The following VGLL4 variants were observed in gnomAD, a reference collection of about 807,000 sequenced individuals.
VGLL4 encodes transcription cofactor vestigial-like protein 4.
In VGLL4, 7 loss-of-function variants were observed where a neutral mutation model predicts 21.0. The observed-to-expected ratio is 0.33, with a 90% CI of 0.19 to 0.63. The LOEUF (loss-of-function observed/expected upper bound fraction) is 0.63. Among genes scored for constraint, VGLL4 ranks in the 20% least tolerant of loss-of-function variants. The pLI is 0.78. For missense variants in VGLL4, 394 were observed against 425.7 expected, an observed-to-expected ratio of 0.93 and a Z score of 0.66; for synonymous variants, 222 against 173.2, an observed-to-expected ratio of 1.28 and a Z score of -2.21.
At chr3:11,628,136 C>T (rs1345370202) in intron 1 of VGLL4, among the ~76,000 whole-genome samples, 1 of 152,110 alleles carries the variant, frequency 6.6e-6, no homozygotes, top group African/African-American at 2.4e-5. Flanking sequence ...TGCCTATAAT[C>T]CCAGCACTTT....
intron 2 of VGLL4, among the ~76,000 whole-genome samples, chr3:11,679,489 C>T (rs2125378556): frequency 6.6e-6 from 1 of 152,176 alleles, no homozygotes; most frequent in Admixed American, 6.5e-5. Flanking sequence ...TCGAGACGAG[C>T]CTGGCCAGCA....
intron 2 of VGLL4, among the ~76,000 whole-genome samples, chr3:11,677,267 A>C (rs1434141505): frequency 6.6e-6 from 1 of 152,012 alleles, no homozygotes; most frequent in African/African-American, 2.4e-5. Flanking sequence ...TTTTAAAAGA[A>C]CAGACTGCAA....
chr3:11,595,088 G>A (rs2074602893), intron 2 of VGLL4, among the ~76,000 whole-genome samples: 1 of 152,206 alleles, frequency 6.6e-6, no homozygotes, highest in South Asian at 2.1e-4. Flanking sequence ...TGGAACCCAG[G>A]AGGTGGAGGT....
chr3:11,654,073 A>G (rs1249099705), intron 2 of VGLL4, among the ~76,000 whole-genome samples: 1 of 151,642 alleles, frequency 6.6e-6, no homozygotes, highest in East Asian at 1.9e-4. Flanking sequence ...CCTACAATGC[A>G]TAGGACACCC....
chr3:11,592,351 G>A (rs765069088), intron 2 of VGLL4, among the ~76,000 whole-genome samples: 14 of 152,186 alleles, frequency 9.2e-5, no homozygotes, highest in Non-Finnish European at 1.8e-4. Flanking sequence ...GTTCCTGTGG[G>A]ATTCTCACCT....
chr3:11,604,029 C>A (rs1456364241), intron 1 of VGLL4, among the ~76,000 whole-genome samples: 1 of 152,190 alleles, frequency 6.6e-6, no homozygotes, highest in African/African-American at 2.4e-5. Flanking sequence ...GACTGAATCA[C>A]TGATGTCTAA....
intron 2 of VGLL4, among the ~76,000 whole-genome samples, chr3:11,577,375 T>C (rs1042065151): frequency 6.6e-6 from 1 of 152,090 alleles, no homozygotes; most frequent in Non-Finnish European, 1.5e-5. Flanking sequence ...GGCGGGCAGA[T>C]CACTTGAGGC....
chr3:11,598,011 TCA>T (rs1194708371), intron 2 of VGLL4, among the ~76,000 whole-genome samples: 1 of 139,508 alleles, frequency 7.2e-6, no homozygotes, highest in African/African-American at 2.7e-5. Context: ...TGGATAGAAC[TCA>T]GTCTTACTCT....
chr3:11,572,805 C>T (rs772688488), intron 2 of VGLL4, among the ~76,000 whole-genome samples: 3 of 152,176 alleles, frequency 2.0e-5, no homozygotes, highest in Non-Finnish European at 4.4e-5. Context: ...CATACGAATA[C>T]ACCACTGCAT....
At chr3:11,639,404 C>A (rs534670470) in intron 1 of VGLL4, among the ~76,000 whole-genome samples, 8 of 152,366 alleles carry the variant, frequency 5.3e-5, no homozygotes, top group Non-Finnish European at 1.2e-4. Context: ...TCTCACCTAC[C>A]CTTTCCCCAA....
At chr3:11,594,192 C>G (rs2074577583) in intron 2 of VGLL4, among the ~76,000 whole-genome samples, 1 of 152,190 alleles carries the variant, frequency 6.6e-6, no homozygotes, top group Non-Finnish European at 1.5e-5. Context: ...TGTAATTCCC[C>G]AGGTGGGATG....
chr3:11,704,401 A>AAAAG (rs2076730043), intron 1 of VGLL4, among the ~76,000 whole-genome samples: 1 of 142,704 alleles, frequency 7.0e-6, no homozygotes, highest in Non-Finnish European at 1.5e-5. Context: ...AAAAAAAAAA[A>AAAAG]AAAAGAAAAA....
At chr3:11,561,133 C>A (rs986915321) in intron 3 of VGLL4, among the ~76,000 whole-genome samples, 3 of 147,034 alleles carry the variant, frequency 2.0e-5, no homozygotes, top group African/African-American at 7.6e-5. Context: ...AGACCCCCCC[C>A]CAGGGTCCTC....
chr3:11,644,038 T>C (rs187057215), upstream of VGLL4: 8 of 975,682 alleles, frequency 8.2e-6, no homozygotes, highest in Middle Eastern at 5.3e-4. Context: ...GTAGCAAGTG[T>C]TGGAAAGAAA....
chr3:11,671,220 A>G, intron 2 of VGLL4: 1 of 1,559,650 alleles, frequency 6.4e-7, no homozygotes, highest in Non-Finnish European at 8.7e-7. Context: ...CAATTAAGAA[A>G]TGTCAATTAA....
rs1297606819 is a variant in VGLL4 at position 11,568,072 on chromosome 3, C to T, written c.273-3053G>A. Reference sequence around the variant, plus strand: ...CCCTGCCTTCTCATGGGCTTACAATCTAGCAGGGACAGAAAGGCCCGGGAG... The same window carrying T: ...CCCTGCCTTCTCATGGGCTTACAATTTAGCAGGGACAGAAAGGCCCGGGAG... On this transcript the variant is annotated intron_variant, in intron 2 of 4. Coordinates refer to ENST00000430365, the MANE Select transcript of VGLL4 (RefSeq NM_001128219.3). The surrounding 1 kb of genome is among the most constrained non-coding windows in gnomAD (Gnocchi z 5.9). 2.0e-5 allele frequency among the ~76,000 whole-genome samples: 3 copies of T among 152,234 alleles called. No homozygotes were observed. The highest frequency in any genetic ancestry group is 4.4e-5 in the Non-Finnish European group (3 of 68,046).
intron 1 of VGLL4, among the ~76,000 whole-genome samples, chr3:11,635,368 G>T (rs1226393787): frequency 6.6e-6 from 1 of 152,210 alleles, no homozygotes; most frequent in African/African-American, 2.4e-5. Flanking sequence ...AACAGAAAGA[G>T]ATCTGTGAGC....
At chr3:11,651,074 G>A (rs6791281) in intron 2 of VGLL4, among the ~76,000 whole-genome samples, 13,774 of 152,150 alleles carry the variant, frequency 0.091, 762 homozygotes, top group South Asian at 0.17. Flanking sequence ...GGGACCAGGC[G>A]CGGTGGCTCA....
intron 1 of VGLL4, among the ~76,000 whole-genome samples, chr3:11,715,837 C>T (rs2076911888): frequency 2.6e-5 from 4 of 152,120 alleles, no homozygotes; most frequent in Admixed American, 2.6e-4. Flanking sequence ...ATTGTTGATT[C>T]ATTAATGTTG....
Sources: allele counts gnomAD v4.1 joint callset (sites outside exome capture counted in the v4.1 genomes callset), GRCh38; gene constraint gnomAD v4.1.1; non-coding constraint Gnocchi (gnomAD v3.1); transcripts MANE v1.5; gene names NCBI Gene and HGNC (gene_info 2026-07-23, HGNC 2026-07-21).